The following SUGP1 variants were observed in gnomAD, a reference collection of about 807,000 sequenced individuals.
SUGP1 encodes the protein SURP and G-patch domain-containing protein 1.
In SUGP1, 34 loss-of-function variants were observed where a neutral mutation model predicts 76.5. The ratio of observed to expected loss-of-function variants is 0.44; its 90% confidence interval spans 0.34 to 0.59. The LOEUF (loss-of-function observed/expected upper bound fraction) is 0.59. SUGP1 is among the 20% of genes least tolerant of loss of function. The pLI, the probability that SUGP1 is intolerant of heterozygous loss-of-function variation, is 0.01. For missense variants in SUGP1, 752 were observed against 851.7 expected (o/e 0.88, Z 1.46); for synonymous variants, 326 against 326.2 (o/e 1.00, Z 0.01).
In SUGP1 at chr19:19,278,720, T is replaced by G; in HGVS notation, c.1605A>C (p.Glu535Asp). The change falls in exon 11 of 14, where the codon GAA (glutamate) becomes GAC (aspartate). Residue 535 changes from glutamate (E) to aspartate (D), a missense_variant. Glu to Asp is a conservative substitution (Grantham distance 45). Coordinates refer to ENST00000247001, the MANE Select transcript of SUGP1 (RefSeq NM_172231.4). ...GGGCCTTGAAGGTCTCCATAAACTT[T>G]TCCAGCTCGTCTGGAGGCAGGAAGT... Reference protein sequence around the residue: ...IGDFLPPDELEKFMETFKALK... With the variant: ...IGDFLPPDELDKFMETFKALK... The G allele has an allele frequency of 6.2e-7, 1 of 1,613,890 alleles. No homozygotes were observed. The highest frequency in any genetic ancestry group is 1.3e-5 in the African/African-American group (1 of 74,994).
intron 8 of SUGP1, among the ~76,000 whole-genome samples, chr19:19,294,247 G>A (rs1463473955): frequency 6.6e-6 from 1 of 151,406 alleles, no homozygotes; most frequent in Non-Finnish European, 1.5e-5. Flanking sequence ...AAAAACCCTG[G>A]GTGCAATGGC....
intron 9 of SUGP1, 133 bp downstream of exon 9, chr19:19,280,052 T>G (rs1260984087): frequency 1.1e-5 from 9 of 840,238 alleles, no homozygotes; most frequent in Non-Finnish European, 1.5e-5. Context: ...GCCTCCCCGC[T>G]GGCCATGGGT....
chr19:19,307,011 A>C (rs2061322825), intron 3 of SUGP1, among the ~76,000 whole-genome samples: 4 of 152,036 alleles, frequency 2.6e-5, no homozygotes, highest in Admixed American at 2.6e-4. Context: ...GGGCCCCCGG[A>C]TCATGAAAGA....
chr19:19,301,912 A>C, intron 7 of SUGP1: 1 of 271,894 alleles, frequency 3.7e-6, no homozygotes, highest in Non-Finnish European at 7.0e-6. Flanking sequence ...CATAAACTGA[A>C]CAGTACTGTG....
chr19:19,297,363 G>C lies in SUGP1; in HGVS notation c.888-19C>G, dbSNP rs761402216. 6.6e-7 allele frequency: 1 copy of C among 1,504,772 alleles called. No homozygotes were observed. The highest frequency in any genetic ancestry group is 1.3e-5 in the South Asian group (1 of 74,222). The allele number at this position is 1,504,772 out of a possible 1,614,324, so 93.2% of individuals were successfully genotyped here. On this transcript the variant is annotated intron_variant, in intron 7 of 13. Coordinates refer to ENST00000247001, the MANE Select transcript of SUGP1 (RefSeq NM_172231.4). ...CAGAAAGCTGCAAAGGAGAGTTGGGGGGTGCAGTGTCAGCTGGGCCCGAGG... is the reference window on the plus strand; with the variant it reads ...CAGAAAGCTGCAAAGGAGAGTTGGGCGGTGCAGTGTCAGCTGGGCCCGAGG...
chr19:19,276,932 G>T lies in SUGP1; in HGVS notation c.1911+15C>A. 6.2e-7 allele frequency: 1 copy of T among 1,612,662 alleles called. No individual in the cohort carries two copies. ...CTGTCGACTGAGCAAAGGCAGCCCA[G>T]GAGGACATGCGTACCAGGGGGTTGG... On this transcript the variant is annotated intron_variant, in intron 13 of 13. Transcript: ENST00000247001.
At chr19:19,279,862 T>C (rs989084107) in intron 9 of SUGP1, among the ~76,000 whole-genome samples, 13 of 152,078 alleles carry the variant, frequency 8.5e-5, no homozygotes, top group Non-Finnish European at 1.5e-4. Flanking sequence ...CAACGTAGAC[T>C]CTCCCATGGG....
chr19:19,285,935 GC>G (rs1321125303), intron 8 of SUGP1, among the ~76,000 whole-genome samples: 1 of 152,148 alleles, frequency 6.6e-6, no homozygotes, highest in Non-Finnish European at 1.5e-5. Context: ...GATCGGGGCT[GC>G]CCTTATCTAT....
At chr19:19,309,355 T>C (rs1244616137) in intron 3 of SUGP1, among the ~76,000 whole-genome samples, 2 of 151,966 alleles carry the variant, frequency 1.3e-5, no homozygotes, top group African/African-American at 4.8e-5. Flanking sequence ...TGTGGTGGCA[T>C]GCCCCTGTAG....
rs376900946 is a variant in SUGP1, at chr19:19,277,028, C to T, written c.1830G>A (p.Ala610=). 1.6e-5 allele frequency: 25 copies of T among 1,612,292 alleles called. No individual in the cohort carries two copies. The highest frequency in any genetic ancestry group is 2.2e-5 in the South Asian group (2 of 91,032). The change falls in exon 13 of 14, where the codon GCG becomes GCA. Residue 610 remains alanine, a synonymous_variant. Coordinates refer to ENST00000247001, the MANE Select transcript of SUGP1 (RefSeq NM_172231.4). ...DGAGFGIDRP[A]ELSKEDDEYE... Reference sequence around the variant, plus strand: ...ACTCGTCGTCCTCCTTGGAGAGCTCCGCCGGCCGGTCAATGCCGAAGCCAG... The same window carrying T: ...ACTCGTCGTCCTCCTTGGAGAGCTCTGCCGGCCGGTCAATGCCGAAGCCAG...
At chr19:19,292,306 C>A (rs957736864) in intron 8 of SUGP1, among the ~76,000 whole-genome samples, 1 of 150,702 alleles carries the variant, frequency 6.6e-6, no homozygotes, top group African/African-American at 2.4e-5. Flanking sequence ...AATACCAATT[C>A]TCCTCAAACT....
chr19:19,292,591 G>A (rs756005007), intron 8 of SUGP1, among the ~76,000 whole-genome samples: 5 of 152,044 alleles, frequency 3.3e-5, no homozygotes, highest in Non-Finnish European at 5.9e-5. Context: ...CTTGAACCCA[G>A]GAGGTGGAGA....
chr19:19,308,991 C>G (rs2061335772), intron 3 of SUGP1, among the ~76,000 whole-genome samples: 1 of 152,118 alleles, frequency 6.6e-6, no homozygotes, highest in South Asian at 2.1e-4. Context: ...CTCAGCCTCC[C>G]GAGTAGCTGG....
At chr19:19,314,464 T>C (rs1408678234) in intron 2 of SUGP1, among the ~76,000 whole-genome samples, 2 of 152,186 alleles carry the variant, frequency 1.3e-5, no homozygotes, top group African/African-American at 4.8e-5. Context: ...CTGGATTTCC[T>C]ACCATGTACA....
chr19:19,312,689 T>C (rs1366966786), intron 2 of SUGP1, among the ~76,000 whole-genome samples: 1 of 152,052 alleles, frequency 6.6e-6, no homozygotes, highest in Non-Finnish European at 1.5e-5. Flanking sequence ...TCAAATACAA[T>C]GTTAAAGGAA....
intron 8 of SUGP1, among the ~76,000 whole-genome samples, chr19:19,286,561 T>G (rs2061141758): frequency 6.6e-6 from 1 of 151,914 alleles, no homozygotes; most frequent in African/African-American, 2.4e-5. Flanking sequence ...GGGTAAGGGA[T>G]TTCAAAAGAT....
rs1397560256 is a variant in SUGP1, at chr19:19,276,660, C to A, written c.1926G>T (p.Arg642=). ...FRPNPLNNPR[R]PYY ...ATTTCCAGAACACTCAGTAGTAAGGCCGTCTGGGATTGTTCTGTGGAAGGC... is the reference window on the plus strand; with the variant it reads ...ATTTCCAGAACACTCAGTAGTAAGGACGTCTGGGATTGTTCTGTGGAAGGC... Residue 642 remains arginine, a synonymous_variant, in exon 14 of 14, where the codon CGG becomes CGT. Transcript: ENST00000247001. The A allele has an allele frequency of 6.2e-7, 1 of 1,614,002 alleles. No homozygotes were observed.
chr19:19,283,570 T>C (rs1337249358), intron 8 of SUGP1, among the ~76,000 whole-genome samples: 1 of 152,186 alleles, frequency 6.6e-6, no homozygotes, highest in Non-Finnish European at 1.5e-5. Context: ...TTCTCCTGCC[T>C]CAGCCTCCCG....
intron 8 of SUGP1, among the ~76,000 whole-genome samples, chr19:19,286,553 G>A (rs907665160): frequency 1.3e-5 from 2 of 152,146 alleles, no homozygotes; most frequent in Non-Finnish European, 2.9e-5. Flanking sequence ...CGGGTAGAGG[G>A]TAAGGGATTT....
Sources: gnomAD v4.1 joint callset for allele counts (sites outside exome capture counted in the v4.1 genomes callset) on GRCh38, gnomAD v4.1.1 for gene constraint, MANE v1.5 for transcripts, NCBI Gene and HGNC (gene_info 2026-07-23, HGNC 2026-07-21) for gene names.